RABGAP1L: variants seen among roughly 807,000 people sequenced by gnomAD.
RABGAP1L encodes the protein RAB GTPase activating protein 1 like, also known as rab GTPase-activating protein 1-like.
Under a neutral mutation model 137.7 loss-of-function variants are expected in RABGAP1L, and 63 were observed. That is an observed-to-expected ratio of 0.46 (90% CI 0.37 to 0.56). The LOEUF is 0.56. Ranked by LOEUF, RABGAP1L falls within the 20% of genes least tolerant of loss-of-function variation. The probability of loss-of-function intolerance (pLI) is 0.00; values close to 1 mark genes in which losing one functional copy is unlikely to be tolerated. For missense variants in RABGAP1L, 1,095 were observed against 1,244.0 expected (o/e 0.88, Z 1.80); for synonymous variants, 431 against 433.7 (o/e 0.99, Z 0.08).
At chr1:174,620,760 C>T (rs934333869) in intron 13 of RABGAP1L, among the ~76,000 whole-genome samples, 7 of 151,910 alleles carry the variant, frequency 4.6e-5, no homozygotes, top group East Asian at 1.9e-4. Context: ...CAAAAGCTAG[C>T]GGAAGGCAAA....
intron 1 of RABGAP1L, among the ~76,000 whole-genome samples, chr1:174,215,830 C>G (rs535749200): frequency 1.3e-5 from 2 of 152,244 alleles, no homozygotes; most frequent in South Asian, 4.1e-4. Context: ...GGTATATACT[C>G]CGAAGAAGAG....
At chr1:174,219,055 G>A in intron 1 of RABGAP1L, 70 bp from the exon 2 acceptor site, 1 of 1,179,596 alleles carries the variant, frequency 8.5e-7, no homozygotes. Context: ...AGCTTTATTA[G>A]TTCATGTTTT....
chr1:174,890,913 T>G (rs956947687), intron 19 of RABGAP1L, among the ~76,000 whole-genome samples: 2 of 152,228 alleles, frequency 1.3e-5, no homozygotes, highest in Non-Finnish European at 2.9e-5. Flanking sequence ...GTTTTCAATA[T>G]TTTGCTCCTA....
intron 13 of RABGAP1L, among the ~76,000 whole-genome samples, chr1:174,441,892 G>A (rs1654203509): frequency 6.6e-6 from 1 of 151,044 alleles, no homozygotes; most frequent in South Asian, 2.1e-4. Context: ...TGGGTCAAAG[G>A]CACTGCTTCT....
chr1:174,836,348 C>T (rs918008876), intron 19 of RABGAP1L, among the ~76,000 whole-genome samples: 1 of 152,264 alleles, frequency 6.6e-6, no homozygotes, highest in African/African-American at 2.4e-5. Flanking sequence ...GTTTTTCTCT[C>T]TCCCTCTGTC....
At chr1:174,386,460 T>C (rs2149062617) in intron 12 of RABGAP1L, among the ~76,000 whole-genome samples, 2 of 152,112 alleles carry the variant, frequency 1.3e-5, no homozygotes, top group South Asian at 4.1e-4. Context: ...ACTCTGGTTT[T>C]AGAGCCAGAA....
At chr1:174,554,803 T>G (rs1159728378) in intron 13 of RABGAP1L, among the ~76,000 whole-genome samples, 3 of 152,126 alleles carry the variant, frequency 2.0e-5, no homozygotes, top group Non-Finnish European at 4.4e-5. Context: ...AGGAAGAAAA[T>G]GAAAGTCATT....
At position 174,663,623 on chromosome 1, in the gene RABGAP1L, C is replaced by G. The variant is rs144105097; in HGVS notation, c.1825-19899C>G. Among the ~76,000 whole-genome samples the G allele has an allele frequency of 7.2e-5, 11 of 152,224 alleles. No individual in the cohort carries two copies. In the East Asian group the frequency reaches 2.1e-3, roughly 29 times the overall value. On this transcript the variant is annotated intron_variant, in intron 14 of 25. Coordinates refer to ENST00000681986, the MANE Select transcript of RABGAP1L (RefSeq NM_001366446.1). ...ACTCACATACACACACGTGGTTGAT[C>G]CTCATTATTTACAGATTCTGTATTT...
chr1:174,302,461 G>A (rs932038968), intron 10 of RABGAP1L, among the ~76,000 whole-genome samples: 12 of 152,306 alleles, frequency 7.9e-5, no homozygotes, highest in Non-Finnish European at 7.3e-5. Context: ...ATTGAGAGGA[G>A]CCATAATGGT....
chr1:174,551,116 G>C (rs1666514187), intron 13 of RABGAP1L, among the ~76,000 whole-genome samples: 1 of 148,710 alleles, frequency 6.7e-6, no homozygotes, highest in Admixed American at 6.8e-5. Flanking sequence ...GGCTGAGGGA[G>C]GAGAATTGCT....
chr1:174,444,243 A>G (rs1351221666), intron 13 of RABGAP1L, among the ~76,000 whole-genome samples: 3 of 151,792 alleles, frequency 2.0e-5, no homozygotes, highest in South Asian at 2.1e-4. Context: ...ATTACATTAA[A>G]TCTGTATGTT....
intron 18 of RABGAP1L, among the ~76,000 whole-genome samples, chr1:174,792,644 C>T (rs946798869): frequency 3.3e-5 from 5 of 152,178 alleles, no homozygotes; most frequent in African/African-American, 1.2e-4. Context: ...TGGCAAAGTA[C>T]ATCAAATTAT....
intron 19 of RABGAP1L, among the ~76,000 whole-genome samples, chr1:174,848,279 G>T (rs1471679879): frequency 1.1e-5 from 1 of 88,028 alleles, no homozygotes; most frequent in Non-Finnish European, 2.2e-5. Context: ...GAGGAACTGC[G>T]TTCCTTTGGA....
chr1:174,375,508 C>G (rs913682200), intron 12 of RABGAP1L, among the ~76,000 whole-genome samples: 2 of 151,840 alleles, frequency 1.3e-5, no homozygotes, highest in African/African-American at 4.8e-5. Context: ...AACACAGATA[C>G]AAGAATCAAA....
At chr1:174,973,789 A>G (rs1426164981) in intron 21 of RABGAP1L, among the ~76,000 whole-genome samples, 1 of 152,132 alleles carries the variant, frequency 6.6e-6, no homozygotes, top group South Asian at 2.1e-4. Flanking sequence ...GATGAACATT[A>G]TGAAAGGATC....
chr1:174,492,037 G>A (rs1312319286), intron 13 of RABGAP1L, among the ~76,000 whole-genome samples: 2 of 152,070 alleles, frequency 1.3e-5, no homozygotes, highest in African/African-American at 4.8e-5. Context: ...TTAAAACCAG[G>A]TAGTGTGAAT....
chr1:174,404,285 C>T (rs1373639623), intron 13 of RABGAP1L, among the ~76,000 whole-genome samples: 1 of 152,122 alleles, frequency 6.6e-6, no homozygotes, highest in African/African-American at 2.4e-5. Flanking sequence ...AAGAATATTT[C>T]TGAGCAGGAT....
intron 18 of RABGAP1L, chr1:174,800,186 T>G (rs1688624170): frequency 1.4e-6 from 2 of 1,402,778 alleles, no homozygotes; most frequent in Admixed American, 6.4e-5. Context: ...ATGTTTTTCT[T>G]GTGGAGACAT....
chr1:174,269,435 T>C (rs1571857790), intron 7 of RABGAP1L, among the ~76,000 whole-genome samples: 1 of 152,240 alleles, frequency 6.6e-6, no homozygotes, highest in Admixed American at 6.5e-5. Context: ...AGTTTTGTAG[T>C]GATAGACATG....
Sources: allele counts gnomAD v4.1 joint callset (sites outside exome capture counted in the v4.1 genomes callset), GRCh38; gene constraint gnomAD v4.1.1; transcripts MANE v1.5; gene names NCBI Gene and HGNC (gene_info 2026-07-23, HGNC 2026-07-21).